The following PAX5 variants were observed in gnomAD, a reference collection of about 807,000 sequenced individuals.
PAX5 encodes the protein paired box protein Pax-5.
Under a neutral mutation model 43.7 loss-of-function variants are expected in PAX5, and 9 were observed. The ratio of observed to expected loss-of-function variants is 0.21; its 90% CI spans 0.12 to 0.36. The LOEUF (loss-of-function observed/expected upper bound fraction) is 0.36. Among genes scored for constraint, PAX5 ranks in the 10% least tolerant of loss-of-function variants. PAX5 has a pLI of 1.00. For synonymous variants in PAX5, 228 were observed against 214.3 expected, an observed-to-expected ratio of 1.06 and a Z score of -0.56; for missense variants, 383 against 532.7, an observed-to-expected ratio of 0.72 and a Z score of 2.77.
intron 5 of PAX5, among the ~76,000 whole-genome samples, chr9:36,974,155 G>A (rs1239437573): frequency 6.6e-6 from 1 of 152,146 alleles, no homozygotes; most frequent in Non-Finnish European, 1.5e-5. Flanking sequence ...ACATTAGCCT[G>A]TGTGACAGAA....
At chr9:36,923,684 T>A (rs1830364280) in intron 6 of PAX5, among the ~76,000 whole-genome samples, 200 bp from the exon 7 acceptor site, 1 of 152,106 alleles carries the variant, frequency 6.6e-6, no homozygotes, top group Non-Finnish European at 1.5e-5. Context: ...GAATCAACAA[T>A]TCTTCCCAGG....
intron 8 of PAX5, among the ~76,000 whole-genome samples, chr9:36,849,499 G>C (rs1822932605): frequency 6.6e-6 from 1 of 152,214 alleles, no homozygotes; most frequent in African/African-American, 2.4e-5. Flanking sequence ...TAGTAGGCAG[G>C]AATAATTATT....
Position 36,843,757 on chromosome 9 carries a change from T to A in PAX5, c.1099+3086A>T, listed in dbSNP as rs139418049. Among the ~76,000 whole-genome samples, 417 of 152,326 alleles carry A rather than the reference T, an allele frequency of 2.7e-3. 4 individuals carry two copies. Among genetic ancestry groups the A allele is most frequent in the African/African-American group, 9.7e-3 (403 of 41,566 alleles). The stretch of plus-strand genomic sequence containing the variant: ...TAGACTTTCTTGTATATGACCTTGA[T>A]TGAGAAGGTAGCCCCTTGAAGCAGT... On this transcript the variant is annotated intron_variant, in intron 9 of 9. Coordinates refer to ENST00000358127, the MANE Select transcript of PAX5 (RefSeq NM_016734.3).
At position 36,840,456 on chromosome 9, in the gene PAX5, C is replaced by G. The variant is rs1444210403; in HGVS notation, c.*104G>C. 5.3e-6 allele frequency: 6 copies of G among 1,139,278 alleles called. No individual in the cohort carries two copies. The highest frequency in any genetic ancestry group is 7.7e-6 in the Non-Finnish European group (6 of 781,466). The allele number at this position is 1,139,278 out of a possible 1,614,324, so 70.6% of individuals were successfully genotyped here. On this transcript the variant is annotated 3_prime_UTR_variant, in exon 10 of 10. Transcript: ENST00000358127. ...GGGAGCTTCAGGCAAGTGGGGGATGCTGGGGGACGGTCTCATGGGCTCTCT... is the reference window on the plus strand; with the variant it reads ...GGGAGCTTCAGGCAAGTGGGGGATGGTGGGGGACGGTCTCATGGGCTCTCT...
chr9:37,021,189 T>C (rs961604227), intron 1 of PAX5, among the ~76,000 whole-genome samples: 4 of 152,256 alleles, frequency 2.6e-5, no homozygotes, highest in Admixed American at 2.6e-4. Context: ...ACATCATATT[T>C]AAAGAGGAAA....
chr9:36,947,088 C>A (rs983628682), intron 6 of PAX5, among the ~76,000 whole-genome samples: 2 of 152,200 alleles, frequency 1.3e-5, no homozygotes, highest in African/African-American at 4.8e-5. Context: ...AGATTCTATT[C>A]ATAAATGAAT....
rs750599316 is a variant in PAX5, at chr9:37,000,198, C to A, written c.604+2450G>T. 3.3e-5 allele frequency among the ~76,000 whole-genome samples: 5 copies of A among 152,144 alleles called. No homozygotes were observed. The East Asian group carries it at 5.8e-4, about 18-fold the overall frequency. ...ATCAGAAGGGGGCACTTATGCAATA[C>A]CCCCGACAGACACTTCCCTGGTGTG... On this transcript the variant is annotated intron_variant, in intron 5 of 9. Transcript: ENST00000358127.
chr9:36,943,131 T>C (rs3758167), intron 6 of PAX5, among the ~76,000 whole-genome samples: 115,137 of 152,088 alleles, frequency 0.76, 43,766 homozygotes, highest in East Asian at 0.8. Context: ...CCATCTCCAT[T>C]GCTTCACGTT....
intron 1 of PAX5, among the ~76,000 whole-genome samples, chr9:37,026,903 G>C (rs911179490): frequency 1.3e-5 from 2 of 152,330 alleles, no homozygotes; most frequent in East Asian, 1.9e-4. Flanking sequence ...CGGGGGCATA[G>C]CGTAGGGGCC....
intron 1 of PAX5, among the ~76,000 whole-genome samples, chr9:37,028,929 C>A (rs1387985359): frequency 6.6e-6 from 1 of 152,144 alleles, no homozygotes. Flanking sequence ...GGCTCTGAGA[C>A]AACAATCAAA....
At chr9:36,912,131 C>T (rs547373407) in intron 7 of PAX5, among the ~76,000 whole-genome samples, 2 of 152,228 alleles carry the variant, frequency 1.3e-5, no homozygotes, top group African/African-American at 2.4e-5. Flanking sequence ...GGGATCAGGA[C>T]CCTTCGGAGA....
intron 1 of PAX5, among the ~76,000 whole-genome samples, chr9:37,029,529 C>A (rs575149249): frequency 6.6e-6 from 1 of 152,340 alleles, no homozygotes; most frequent in Non-Finnish European, 1.5e-5. Context: ...TCCCCTTTCA[C>A]CCCCGGCCTT....
At chr9:37,002,583 G>A (rs563274738) in intron 5 of PAX5, 65 bp downstream of exon 5, 2 of 1,552,552 alleles carry the variant, frequency 1.3e-6, no homozygotes, top group East Asian at 2.3e-5. Context: ...TGCCACCCGC[G>A]ACCGAGCGCC....
chr9:36,979,831 G>C (rs1835759458), intron 5 of PAX5, among the ~76,000 whole-genome samples: 1 of 152,176 alleles, frequency 6.6e-6, no homozygotes, highest in South Asian at 2.1e-4. Context: ...ATTCAAATCA[G>C]AGAATTCTGG....
At chr9:36,871,630 A>G (rs1330515426) in intron 8 of PAX5, among the ~76,000 whole-genome samples, 1 of 152,248 alleles carries the variant, frequency 6.6e-6, no homozygotes, top group African/African-American at 2.4e-5. Context: ...CACCATTAGT[A>G]GAAGGACATC....
rs568075465 is a variant in PAX5, at chr9:36,835,684, G to A, written c.*4876C>T. The A allele has an allele frequency of 6.4e-5, 15 of 233,236 alleles. No homozygotes were observed. In the South Asian group the frequency reaches 1.4e-3, roughly 23 times the overall value. 14.4% of individuals were successfully genotyped at this position (233,236 alleles called of 1,614,324 possible). A position where few individuals can be genotyped will look rare whatever the true frequency, so the allele number is the denominator to read the frequency against. ...AAATGTACTTGCCTCGGACCTCTCC[G>A]AGGCCAAAAGAACGAAAGAAATAGT... On this transcript the variant is annotated 3_prime_UTR_variant, in exon 10 of 10. Coordinates refer to ENST00000358127, the MANE Select transcript of PAX5 (RefSeq NM_016734.3).
At chr9:36,986,233 A>C (rs1588150104) in intron 5 of PAX5, among the ~76,000 whole-genome samples, 1 of 150,808 alleles carries the variant, frequency 6.6e-6, no homozygotes, top group Admixed American at 6.6e-5. Flanking sequence ...CGGCAAATAA[A>C]GTCATTCATT....
intron 1 of PAX5, among the ~76,000 whole-genome samples, chr9:37,021,551 A>G (rs972974365): frequency 6.6e-6 from 1 of 152,210 alleles, no homozygotes; most frequent in Non-Finnish European, 1.5e-5. Flanking sequence ...ATGTTTTGCA[A>G]TTGACATATA....
At chr9:36,965,346 C>T (rs892984865) in intron 6 of PAX5, among the ~76,000 whole-genome samples, 6 of 152,224 alleles carry the variant, frequency 3.9e-5, no homozygotes, top group Non-Finnish European at 7.3e-5. Flanking sequence ...ACAAAGTAAA[C>T]ACTCATCATA....
Sources: allele counts gnomAD v4.1 joint callset (sites outside exome capture counted in the v4.1 genomes callset), GRCh38; gene constraint gnomAD v4.1.1; transcripts MANE v1.5; gene names NCBI Gene and HGNC (gene_info 2026-07-23, HGNC 2026-07-21).